Variants in CSMD1 observed in about 807,000 individuals in gnomAD.
The protein encoded by CSMD1 is CUB and Sushi multiple domains 1, also known as CUB and sushi domain-containing protein 1.
In CSMD1, 213 loss-of-function variants were observed where a neutral mutation model predicts 417.5. The ratio of observed to expected loss-of-function variants is 0.51; its 90% CI spans 0.46 to 0.57. The LOEUF (loss-of-function observed/expected upper bound fraction) is 0.57, where lower values mean the gene tolerates loss of function less well. Among genes scored for constraint, CSMD1 ranks in the 20% least tolerant of loss-of-function variants. The probability of loss-of-function intolerance (pLI) is 0.00; values close to 1 mark genes in which losing one functional copy is unlikely to be tolerated. For missense variants in CSMD1, 6,923 were observed against 4,529.7 expected (o/e 1.53, Z -15.17); for synonymous variants, 2,862 against 1,736.8 (o/e 1.65, Z -16.11).
At position 4,520,293 on chromosome 8, in the gene CSMD1, G is replaced by C. The variant is rs1329623832; in HGVS notation, c.303-100228C>G. ...GCAAAATAATACTCCCCAAACTTCA[G>C]TTTCACATGACTAATGTAGAACATT... On this transcript the variant is annotated intron_variant, in intron 2 of 69. Transcript: ENST00000635120. Among the ~76,000 whole-genome samples, 3 of 152,206 alleles carry C rather than the reference G, an allele frequency of 2.0e-5. No homozygotes were observed. The South Asian group carries it at 6.2e-4, about 32-fold the overall frequency.
At chr8:4,251,918 G>C (rs1362348240) in intron 3 of CSMD1, among the ~76,000 whole-genome samples, 1 of 151,434 alleles carries the variant, frequency 6.6e-6, no homozygotes. Context: ...GATAATGTGG[G>C]AATGGGAAGG....
chr8:3,211,564 G>C (rs1797608508), intron 30 of CSMD1, among the ~76,000 whole-genome samples: 3 of 152,200 alleles, frequency 2.0e-5, no homozygotes, highest in African/African-American at 7.2e-5. Flanking sequence ...AGATTTACTA[G>C]TTTTGGGGAG....
chr8:4,622,745 G>T lies in CSMD1; in HGVS notation c.302+14597C>A, dbSNP rs972678994. 3.9e-5 allele frequency among the ~76,000 whole-genome samples: 6 copies of T among 151,902 alleles called. 1 individual carries two copies. The South Asian group carries it at 8.3e-4, about 21-fold the overall frequency. On this transcript the variant is annotated intron_variant, in intron 2 of 69. Coordinates refer to ENST00000635120, the MANE Select transcript of CSMD1 (RefSeq NM_033225.6). ...TGTGTTCCTCACTTTTACCACTTCC[G>T]TGCAACATTGTACTGAAGGAGCTGG...
chr8:4,302,562 C>T (rs4281133), intron 3 of CSMD1, among the ~76,000 whole-genome samples: 112,019 of 151,948 alleles, frequency 0.74, 41,485 homozygotes, highest in East Asian at 0.85. Flanking sequence ...CAGGTTTCCG[C>T]CTCTCTCTCA....
intron 5 of CSMD1, among the ~76,000 whole-genome samples, chr8:3,865,464 C>T (rs112148054): frequency 1.3e-5 from 2 of 151,714 alleles, no homozygotes; most frequent in African/African-American, 4.9e-5. Context: ...AGGTGCTCTT[C>T]AGAGATGGGA....
intron 3 of CSMD1, among the ~76,000 whole-genome samples, chr8:4,068,310 G>A (rs1415073701): frequency 7.9e-5 from 12 of 152,154 alleles, no homozygotes; most frequent in Admixed American, 2.6e-4. Context: ...AGTGTATTGC[G>A]GGAGAGCTGT....
chr8:3,128,601 C>T, intron 41 of CSMD1: 1 of 307,992 alleles, frequency 3.2e-6, no homozygotes, highest in Non-Finnish European at 6.3e-6. Flanking sequence ...AGTTAAGTGT[C>T]ATCTTATCAA....
chr8:4,431,078 T>A lies in CSMD1; in HGVS notation c.303-11013A>T, dbSNP rs920569271. Among the ~76,000 whole-genome samples the A allele has an allele frequency of 2.6e-5, 4 of 152,284 alleles. No individual in the cohort carries two copies. The East Asian group carries it at 7.7e-4, about 29-fold the overall frequency. On this transcript the variant is annotated intron_variant, in intron 2 of 69. Transcript: ENST00000635120. ...GTGTCCATTTTATTTTCTTCTATGA[T>A]CATTAGTGTTAATATATTTAATCTT...
intron 2 of CSMD1, among the ~76,000 whole-genome samples, chr8:4,543,004 T>C (rs1421735891): frequency 6.6e-6 from 1 of 152,166 alleles, no homozygotes; most frequent in Non-Finnish European, 1.5e-5. Flanking sequence ...TAGTCTATAT[T>C]TTAGAGTAGG....
At chr8:3,108,359 T>A (rs910939974) in intron 44 of CSMD1, among the ~76,000 whole-genome samples, 1 of 152,204 alleles carries the variant, frequency 6.6e-6, no homozygotes, top group African/African-American at 2.4e-5. Flanking sequence ...ATGGTCTTCA[T>A]CTTAGAGTTT....
intron 5 of CSMD1, among the ~76,000 whole-genome samples, chr8:3,974,432 A>G (rs1161542702): frequency 6.6e-6 from 1 of 152,054 alleles, no homozygotes. Context: ...GGATATTCAT[A>G]AGGGTATGTG....
intron 3 of CSMD1, among the ~76,000 whole-genome samples, chr8:4,270,397 C>A (rs989169636): frequency 6.6e-6 from 1 of 152,240 alleles, no homozygotes; most frequent in African/African-American, 2.4e-5. Flanking sequence ...TGATCTCCCT[C>A]GGCCACACTT....
rs74845914 is a variant in CSMD1 at position 3,599,359 on chromosome 8, T to C, written c.1098-13099A>G. Among the ~76,000 whole-genome samples the C allele has an allele frequency of 4.1e-3, 621 of 152,256 alleles. 2 individuals carry two copies. The highest frequency in any genetic ancestry group is 0.014 in the African/African-American group (597 of 41,550). On this transcript the variant is annotated intron_variant, in intron 8 of 69. Transcript: ENST00000635120. ...ATTCTCAGGATGCAACACGGCATTA[T>C]TAACCCCAACTCAGCATCATTAACC... is the stretch of plus-strand genomic sequence containing the variant.
chr8:3,775,997 G>C (rs1253074458), intron 5 of CSMD1, among the ~76,000 whole-genome samples: 1 of 152,170 alleles, frequency 6.6e-6, no homozygotes, highest in Non-Finnish European at 1.5e-5. Context: ...CAGAGCTTCA[G>C]ACCCTGATCC....
chr8:3,245,621 C>T (rs1272394728), intron 26 of CSMD1, among the ~76,000 whole-genome samples: 1 of 152,170 alleles, frequency 6.6e-6, no homozygotes, highest in Non-Finnish European at 1.5e-5. Context: ...GGACAGGAGC[C>T]TAAATCTTCC....
chr8:4,062,286 A>C (rs2130742570), intron 3 of CSMD1, among the ~76,000 whole-genome samples: 1 of 152,234 alleles, frequency 6.6e-6, no homozygotes, highest in South Asian at 2.1e-4. Flanking sequence ...CAAAGTTGGC[A>C]GAATAGAGCA....
chr8:3,336,129 C>T (rs1056345311), intron 23 of CSMD1, among the ~76,000 whole-genome samples: 10 of 151,534 alleles, frequency 6.6e-5, no homozygotes, highest in African/African-American at 2.4e-4. Context: ...CAGGTTTCTC[C>T]AAACCTCTGT....
chr8:3,338,395 T>C (rs1340665730), intron 23 of CSMD1, among the ~76,000 whole-genome samples: 5 of 152,158 alleles, frequency 3.3e-5, no homozygotes, highest in Admixed American at 3.3e-4. Flanking sequence ...TAATGGAAAT[T>C]GTGTAAATCA....
intron 10 of CSMD1, among the ~76,000 whole-genome samples, chr8:3,566,683 A>T (rs1445909343): frequency 6.6e-6 from 1 of 152,228 alleles, no homozygotes; most frequent in African/African-American, 2.4e-5. Flanking sequence ...AAAAAAGGTC[A>T]ACATCACTGA....
Sources: gnomAD v4.1 joint callset for allele counts (sites outside exome capture counted in the v4.1 genomes callset) on GRCh38, gnomAD v4.1.1 for gene constraint, MANE v1.5 for transcripts, NCBI Gene and HGNC (gene_info 2026-07-23, HGNC 2026-07-21) for gene names.